LTBP2: variants seen among roughly 807,000 people sequenced by gnomAD.
The protein encoded by LTBP2 is latent transforming growth factor beta binding protein 2, also known as latent-transforming growth factor beta-binding protein 2.
LTBP2 carries 103 observed loss-of-function variants against 210.6 expected under a neutral mutation model. The ratio of observed to expected loss-of-function variants is 0.49; its 90% CI spans 0.42 to 0.58. LTBP2 has a LOEUF of 0.58. Ranked by LOEUF, LTBP2 falls within the 20% of genes least tolerant of loss-of-function variation. The pLI, the probability that LTBP2 is intolerant of heterozygous loss-of-function variation, is 0.00. For missense variants in LTBP2, 2,313 were observed against 2,494.5 expected (o/e 0.93, Z 1.55); for synonymous variants, 1,007 against 1,015.0 (o/e 0.99, Z 0.15).
rs1021888462 is a variant in LTBP2 at position 74,603,773 on chromosome 14, G to A, written c.495-68C>T. On this transcript the variant is annotated intron_variant, in intron 1 of 35. Transcript: ENST00000261978. ...GCTGGGGACTATTCACAGCCCCTCC[G>A]ACAGTCCCACCTTCTAGAGGCAGGG... The A allele has an allele frequency of 6.8e-6, 9 of 1,324,070 alleles. No homozygotes were observed. The Admixed American group carries it at 6.8e-5, about 10-fold the overall frequency. 82.0% of individuals were successfully genotyped at this position (1,324,070 alleles called of 1,614,324 possible). A position where few individuals can be genotyped will look rare whatever the true frequency, so the allele number is the denominator to read the frequency against.
intron 3 of LTBP2, among the ~76,000 whole-genome samples, chr14:74,569,505 C>G (rs1399093703): frequency 6.6e-6 from 1 of 152,132 alleles, no homozygotes; most frequent in East Asian, 1.9e-4. Context: ...AGATCAAGGC[C>G]TGGGTTTCCC....
In LTBP2 at chr14:74,529,137, G is replaced by A. The variant is rs1182911781; in HGVS notation, c.1988-15C>T. On this transcript the variant is annotated splice_polypyrimidine_tract_variant and intron_variant, in intron 10 of 35. Coordinates refer to ENST00000261978, the MANE Select transcript of LTBP2 (RefSeq NM_000428.3). ...TGCCTTGTCCGCTGCAACAGACACAGCACGTGGAGGTGGGCAGGTGGCCAG... is the reference window on the plus strand; with the variant it reads ...TGCCTTGTCCGCTGCAACAGACACAACACGTGGAGGTGGGCAGGTGGCCAG... 3.2e-6 allele frequency: 5 copies of A among 1,551,084 alleles called. No individual in the cohort carries two copies. The highest frequency in any genetic ancestry group is 4.4e-6 in the Non-Finnish European group (5 of 1,147,058).
chr14:74,524,271 A>T (rs2087243179), intron 15 of LTBP2, among the ~76,000 whole-genome samples: 1 of 152,152 alleles, frequency 6.6e-6, no homozygotes, highest in South Asian at 2.1e-4. Flanking sequence ...TTGAGCCCAG[A>T]GGAGAGAGGT....
At chr14:74,516,300 T>A (rs1170701317) in intron 18 of LTBP2, among the ~76,000 whole-genome samples, 2 of 151,570 alleles carry the variant, frequency 1.3e-5, no homozygotes, top group Non-Finnish European at 2.9e-5. Flanking sequence ...CAGTTAGCAA[T>A]GTCACAGCGC....
chr14:74,589,037 T>C (rs997512702), intron 2 of LTBP2, among the ~76,000 whole-genome samples: 3 of 152,144 alleles, frequency 2.0e-5, no homozygotes, highest in African/African-American at 7.2e-5. Flanking sequence ...AATGCACCCT[T>C]GGGAACTCTG....
intron 3 of LTBP2, among the ~76,000 whole-genome samples, chr14:74,557,972 C>A (rs1461723746): frequency 6.6e-6 from 1 of 152,190 alleles, no homozygotes. Context: ...CCCATGCCAA[C>A]CCTCCCCACT....
chr14:74,549,571 C>T (rs1595268771), intron 8 of LTBP2, among the ~76,000 whole-genome samples: 1 of 152,326 alleles, frequency 6.6e-6, no homozygotes, highest in East Asian at 1.9e-4. Flanking sequence ...GAGGGGTGTG[C>T]AGGGGAACAC....
intron 7 of LTBP2, among the ~76,000 whole-genome samples, chr14:74,550,816 G>A (rs1447738481): frequency 6.6e-6 from 1 of 152,318 alleles, no homozygotes; most frequent in African/African-American, 2.4e-5. Flanking sequence ...TCCTCCAGAG[G>A]GGAACTTCCT....
intron 31 of LTBP2, 63 bp downstream of exon 31, chr14:74,503,863 G>A (rs1443781606): frequency 3.4e-5 from 54 of 1,603,640 alleles, no homozygotes; most frequent in Non-Finnish European, 4.5e-5. Context: ...GCTGGCAGGG[G>A]CTGGGTGGGC....
intron 8 of LTBP2, among the ~76,000 whole-genome samples, chr14:74,543,552 C>CCTTCCTT (rs1566631193): frequency 1.5e-5 from 1 of 66,672 alleles, no homozygotes; most frequent in African/African-American, 6.1e-5. Flanking sequence ...CTCCCTCCCT[C>CCTTCCTT]CCTTCCTTCC....
Position 74,506,882 on chromosome 14 carries a change from C to CGCGCGTGTGT in LTBP2, c.3908-60_3908-59insACACACGCGC, listed in dbSNP as rs2086998073. On this transcript the variant is annotated intron_variant, in intron 26 of 35. Transcript: ENST00000261978. ...GTGTGTGTGTGTGTGTGTGTGTGCG[C>CGCGCGTGTGT]GCGCGCGTGTGTGCTCACTCTCTCA... The CGCGCGTGTGT allele has an allele frequency of 7.6e-6, 7 of 927,042 alleles. No homozygotes were observed. In the Admixed American group the frequency reaches 1.4e-4, roughly 19 times the overall value. The allele number at this position is 927,042 out of a possible 1,614,324, so 57.4% of individuals were successfully genotyped here. A position where few individuals can be genotyped will look rare whatever the true frequency, so the allele number is the denominator to read the frequency against.
chr14:74,543,524 G>T (rs72732139), intron 8 of LTBP2, among the ~76,000 whole-genome samples: 36,843 of 130,836 alleles, frequency 0.28, 5,846 homozygotes, highest in Non-Finnish European at 0.36. Context: ...CTGCCTGCCT[G>T]CCTTCCCTCC....
At chr14:74,604,579 T>C (rs2088497926) in intron 1 of LTBP2, among the ~76,000 whole-genome samples, 2 of 151,184 alleles carry the variant, frequency 1.3e-5, no homozygotes, top group African/African-American at 4.9e-5. Context: ...TGAGTCTCAC[T>C]ATATCGCCCA....
intron 1 of LTBP2, among the ~76,000 whole-genome samples, chr14:74,604,164 C>CAAAAAAAAAAAAA: frequency 1.4e-5 from 1 of 72,740 alleles, no homozygotes; most frequent in Non-Finnish European, 2.3e-5. Context: ...TGCCTCTCAC[C>CAAAAAAAAAAAAA]AAAAAAAAAA....
rs1175428424 is a variant in LTBP2 at position 74,500,915 on chromosome 14, GC to G, written c.5434del (p.Ala1812GlnfsTer36). 6.2e-7 allele frequency: 1 copy of G among 1,614,172 alleles called. No individual in the cohort carries two copies. Among genetic ancestry groups the G allele is most frequent in the African/African-American group, 1.3e-5 (1 of 75,064 alleles). ...CHCSPGYVAE[A>X]GPPHCTAKE is the part of the protein sequence containing the mutation. ...CTTGGCAGTGCAGTGGGGGGGCCCT[GC>G]CTCAGCCACATATCCCGGGGAGCAG... On this transcript the variant is annotated frameshift_variant, in exon 36 of 36. Transcript: ENST00000261978. LOFTEE classifies it high-confidence loss of function.
At chr14:74,564,937 G>T (rs1334618631) in intron 3 of LTBP2, among the ~76,000 whole-genome samples, 4 of 152,008 alleles carry the variant, frequency 2.6e-5, no homozygotes, top group African/African-American at 9.7e-5. Flanking sequence ...TTTCTTTATC[G>T]CCATTTTACA....
chr14:74,508,994 C>A (rs776927171), intron 22 of LTBP2, 42 bp from the exon 23 acceptor site: 1 of 1,610,678 alleles, frequency 6.2e-7, no homozygotes, highest in Non-Finnish European at 8.5e-7. Context: ...GATGGCAGCA[C>A]CTCCCAAGGA....
intron 16 of LTBP2, 66 bp downstream of exon 16, chr14:74,522,724 G>A (rs1296125727): frequency 1.0e-5 from 16 of 1,538,044 alleles, no homozygotes; most frequent in East Asian, 7.1e-5. Context: ...CTCTCAACTC[G>A]GCCTCTTAGC....
chr14:74,554,980 G>C (rs1286425593), intron 4 of LTBP2, among the ~76,000 whole-genome samples: 1 of 151,786 alleles, frequency 6.6e-6, no homozygotes, highest in Non-Finnish European at 1.5e-5. Flanking sequence ...GGAGGGGAGG[G>C]GAGGGGAGGC....
Sources: allele counts gnomAD v4.1 joint callset (sites outside exome capture counted in the v4.1 genomes callset), GRCh38; gene constraint gnomAD v4.1.1; transcripts MANE v1.5; gene names NCBI Gene and HGNC (gene_info 2026-07-23, HGNC 2026-07-21).